The following MED15 variants were observed in gnomAD, a reference collection of about 807,000 sequenced individuals.
MED15 encodes the protein mediator complex subunit 15.
In MED15, 41 loss-of-function variants were observed where a neutral mutation model predicts 118.7. The observed-to-expected ratio is 0.35, with a 90% CI of 0.27 to 0.45. The LOEUF (loss-of-function observed/expected upper bound fraction) is 0.45. MED15 is among the 20% of genes least tolerant of loss of function. The pLI is 1.00. For missense variants in MED15, 740 were observed against 1,025.5 expected (o/e 0.72, Z 3.80); for synonymous variants, 436 against 413.9 (o/e 1.05, Z -0.65).
intron 9 of MED15, among the ~76,000 whole-genome samples, chr22:20,577,756 C>T (rs1356797905): frequency 6.6e-6 from 1 of 151,858 alleles, no homozygotes; most frequent in Non-Finnish European, 1.5e-5. Flanking sequence ...GAGAGGCACA[C>T]CCCTGAACCT....
Position 20,582,575 on chromosome 22 carries a change from T to C in MED15, c.1273-36T>C. 5 of 1,535,688 alleles carry C rather than the reference T, an allele frequency of 3.3e-6. No individual in the cohort carries two copies. In the South Asian group the frequency reaches 3.6e-5, roughly 11 times the overall value. On this transcript the variant is annotated intron_variant, in intron 9 of 17. Transcript: ENST00000263205. ...TGGTGTGGAGGCAGGCGGGCGGGCG[T>C]GTGGCAGCGCGCCGGCTGAGCCCCT...
rs748745732 is a variant in MED15, at chr22:20,585,687, G to A, written c.2132-41G>A. ...GCAGGGCTGTGAGGCAGGGCAGGCC[G>A]GGGCTTGTCCAGGTCACAGATAGAG... On this transcript the variant is annotated intron_variant, in intron 16 of 17. Transcript: ENST00000263205. The A allele has an allele frequency of 2.3e-5, 36 of 1,585,764 alleles. No individual in the cohort carries two copies. The Middle Eastern group carries it at 1.5e-3, about 66-fold the overall frequency.
rs372027612 is a variant in MED15 at position 20,584,344 on chromosome 22, C to G, written c.1737-15C>G. 2.5e-6 allele frequency: 4 copies of G among 1,612,956 alleles called. No homozygotes were observed. The East Asian group carries it at 8.9e-5, about 36-fold the overall frequency. On this transcript the variant is annotated splice_polypyrimidine_tract_variant and intron_variant, in intron 13 of 17. Coordinates refer to ENST00000263205, the MANE Select transcript of MED15 (RefSeq NM_001003891.3). ...TGTCTTCCACTCTTTCAGCCCAAGTCCTCTCTCTCTGCAGGTGTCCCCTGA... is the reference window on the plus strand; with the variant it reads ...TGTCTTCCACTCTTTCAGCCCAAGTGCTCTCTCTCTGCAGGTGTCCCCTGA...
At chr22:20,534,697 C>T (rs2054992764) in intron 1 of MED15, among the ~76,000 whole-genome samples, 1 of 152,206 alleles carries the variant, frequency 6.6e-6, no homozygotes, top group Non-Finnish European at 1.5e-5. Context: ...GTCTCAGCCT[C>T]TGGGTGTGGA....
chr22:20,584,246 G>C, intron 13 of MED15, 113 bp from the exon 14 acceptor site: 2 of 1,056,192 alleles, frequency 1.9e-6, no homozygotes, highest in Non-Finnish European at 2.9e-6. Context: ...TCAACTGGTA[G>C]GAGCTCCTGC....
At chr22:20,573,215 G>A (rs978058955) in intron 8 of MED15, among the ~76,000 whole-genome samples, 9 of 152,130 alleles carry the variant, frequency 5.9e-5, no homozygotes, top group Non-Finnish European at 1.0e-4. Flanking sequence ...AGATGTGCCC[G>A]CTTTGGCCTC....
At position 20,563,192 on chromosome 22, in the gene MED15, A is replaced by T. The variant is rs557087551; in HGVS notation, c.452-1258A>T. ...ATGAAATATGCAACTCAGCAGTTAC[A>T]CTCTTGGGTATTTTTCCTAGAGAAA... On this transcript the variant is annotated intron_variant, in intron 5 of 17. Transcript: ENST00000263205. Among the ~76,000 whole-genome samples the T allele has an allele frequency of 2.6e-5, 4 of 152,298 alleles. No homozygotes were observed. The South Asian group carries it at 8.3e-4, about 32-fold the overall frequency.
chr22:20,575,693 G>A (rs1290757612), intron 9 of MED15, among the ~76,000 whole-genome samples: 1 of 150,886 alleles, frequency 6.6e-6, no homozygotes, highest in African/African-American at 2.4e-5. Flanking sequence ...TTCACATAGC[G>A]ACATACTATC....
At chr22:20,560,504 C>T (rs1365644590) in intron 5 of MED15, among the ~76,000 whole-genome samples, 3 of 152,180 alleles carry the variant, frequency 2.0e-5, no homozygotes, top group Non-Finnish European at 2.9e-5. Flanking sequence ...ACCTTGTGAT[C>T]TGCCCTCCTT....
intron 2 of MED15, chr22:20,551,209 G>T: frequency 1.5e-6 from 1 of 677,716 alleles, no homozygotes; most frequent in Non-Finnish European, 2.8e-6. Context: ...GCCGTTGGAG[G>T]CTCTCTGTCC....
chr22:20,584,058 G>T, intron 13 of MED15: 1 of 456,708 alleles, frequency 2.2e-6, no homozygotes, highest in Non-Finnish European at 4.0e-6. Context: ...CTTTGTTAGG[G>T]TTATAGGGAT....
chr22:20,568,325 A>G lies in MED15; in HGVS notation c.1042-196A>G, dbSNP rs572048428. On this transcript the variant is annotated intron_variant, in intron 7 of 17. Coordinates refer to ENST00000263205, the MANE Select transcript of MED15 (RefSeq NM_001003891.3). ...GGAGACATCCCAGTGGGAGGGCCAC[A>G]TTGCCACTTGCCAGAATTGGATTTG... Among the ~76,000 whole-genome samples, 99 of 152,272 alleles carry G rather than the reference A, an allele frequency of 6.5e-4. 1 individual carries two copies. Among genetic ancestry groups the G allele is most frequent in the African/African-American group, 2.3e-3 (96 of 41,546 alleles).
chr22:20,509,025 G>A (rs1238149764), intron 1 of MED15, among the ~76,000 whole-genome samples: 1 of 152,088 alleles, frequency 6.6e-6, no homozygotes, highest in African/African-American at 2.4e-5. Flanking sequence ...AGTAGGTGAC[G>A]AATAAATTGA....
intron 2 of MED15, among the ~76,000 whole-genome samples, chr22:20,548,898 C>G (rs2055662198): frequency 6.6e-6 from 1 of 152,140 alleles, no homozygotes; most frequent in African/African-American, 2.4e-5. Flanking sequence ...CATTGATCTC[C>G]CAGGCTCAAG....
At chr22:20,561,469 G>A (rs1159833862) in intron 5 of MED15, among the ~76,000 whole-genome samples, 1 of 151,530 alleles carries the variant, frequency 6.6e-6, no homozygotes, top group South Asian at 2.1e-4. Flanking sequence ...GCAGTGAACC[G>A]AGATCACGCC....
intron 17 of MED15, 71 bp from the exon 18 acceptor site, chr22:20,586,497 G>A: frequency 6.3e-7 from 1 of 1,576,150 alleles, no homozygotes; most frequent in Non-Finnish European, 8.6e-7. Context: ...CCTTCCCAGA[G>A]CACTGCCGGG....
At chr22:20,517,626 CA>C (rs2054300116) in intron 1 of MED15, among the ~76,000 whole-genome samples, 1 of 152,130 alleles carries the variant, frequency 6.6e-6, no homozygotes. Flanking sequence ...CTGAACTCGT[CA>C]GGGCAGGAGC....
chr22:20,537,463 C>A (rs1420129381), intron 2 of MED15, among the ~76,000 whole-genome samples: 1 of 152,182 alleles, frequency 6.6e-6, no homozygotes, highest in Non-Finnish European at 1.5e-5. Flanking sequence ...GTGGTCAGCC[C>A]CTGTGAATCC....
chr22:20,527,997 C>T (rs2054718091), intron 1 of MED15, among the ~76,000 whole-genome samples: 1 of 151,526 alleles, frequency 6.6e-6, no homozygotes, highest in Admixed American at 6.6e-5. Flanking sequence ...GACCTCAAGT[C>T]ATCCTCTCGC....
Sources: allele counts gnomAD v4.1 joint callset (sites outside exome capture counted in the v4.1 genomes callset), GRCh38; gene constraint gnomAD v4.1.1; transcripts MANE v1.5; gene names NCBI Gene and HGNC (gene_info 2026-07-23, HGNC 2026-07-21).